The following TVP23C variants were observed in gnomAD, a reference collection of about 807,000 sequenced individuals.
TVP23C encodes trans-golgi network vesicle protein 23 homolog C.
In TVP23C, 19 loss-of-function variants were observed where a neutral mutation model predicts 28.7. The observed-to-expected ratio is 0.66, with a 90% CI of 0.46 to 0.97. The LOEUF (loss-of-function observed/expected upper bound fraction) is 0.97. Among genes scored for constraint, TVP23C ranks in the 50% least tolerant of loss-of-function variants. The pLI is 0.00. For missense variants in TVP23C, 186 were observed against 241.3 expected (o/e 0.77, Z 1.52); for synonymous variants, 68 against 81.7 (o/e 0.83, Z 0.90).
chr17:15,512,531 G>A (rs931409411), intron 5 of TVP23C, among the ~76,000 whole-genome samples: 1 of 152,156 alleles, frequency 6.6e-6, no homozygotes, highest in African/African-American at 2.4e-5. Context: ...TCATAAGAAA[G>A]GAGAGTCTGT....
intron 4 of TVP23C, 85 bp from the exon 5 acceptor site, chr17:15,546,001 A>G: frequency 6.5e-7 from 1 of 1,533,136 alleles, no homozygotes; most frequent in South Asian, 1.3e-5. Context: ...CATATTACCC[A>G]CAAGTTCAAA....
intron 5 of TVP23C, among the ~76,000 whole-genome samples, chr17:15,529,813 T>A (rs1218482488): frequency 6.6e-6 from 1 of 152,162 alleles, no homozygotes; most frequent in Non-Finnish European, 1.5e-5. Context: ...TTTTTTGGGT[T>A]TTTTTTGGAT....
intron 5 of TVP23C, among the ~76,000 whole-genome samples, chr17:15,509,625 G>A (rs1981917531): frequency 1.3e-5 from 2 of 152,182 alleles, no homozygotes; most frequent in South Asian, 4.1e-4. Flanking sequence ...AATTTGGGAG[G>A]CCAAGGTGAG....
intron 2 of TVP23C, among the ~76,000 whole-genome samples, chr17:15,554,722 C>T (rs1343702093): frequency 1.3e-5 from 2 of 152,164 alleles, no homozygotes; most frequent in East Asian, 1.9e-4. Context: ...TCCCCATTTA[C>T]CTTCAAACCC....
intron 1 of TVP23C, among the ~76,000 whole-genome samples, chr17:15,557,777 T>C (rs1314668095): frequency 2.1e-5 from 3 of 141,444 alleles, no homozygotes; most frequent in Non-Finnish European, 3.2e-5. Flanking sequence ...AAATCATTCC[T>C]ACTACAGGGC....
In TVP23C at chr17:15,538,173, A is replaced by G; in HGVS notation, c.*2239T>C. ...AGTGTTCCGCAAAAGACAAAAAAAGAACTCCTTAACATCAAAGTTATTTCA... is the reference window on the plus strand; with the variant it reads ...AGTGTTCCGCAAAAGACAAAAAAAGGACTCCTTAACATCAAAGTTATTTCA... On this transcript the variant is annotated 3_prime_UTR_variant, in exon 6 of 6. Coordinates refer to ENST00000518321, the MANE Select transcript of TVP23C (RefSeq NM_001135036.2). The G allele has an allele frequency of 6.2e-7, 1 of 1,610,242 alleles. No individual in the cohort carries two copies. Among genetic ancestry groups the G allele is most frequent in the Non-Finnish European group, 8.5e-7 (1 of 1,179,784 alleles).
intron 3 of TVP23C, among the ~76,000 whole-genome samples, chr17:15,548,766 C>A (rs1983758175): frequency 6.6e-6 from 1 of 152,154 alleles, no homozygotes; most frequent in Non-Finnish European, 1.5e-5. Flanking sequence ...CAGCAGATGC[C>A]TCAAATTGTG....
Position 15,539,624 on chromosome 17 carries a change from C to G in TVP23C, c.*788G>C. 1 of 979,096 alleles carries G rather than the reference C, an allele frequency of 1.0e-6. No individual in the cohort carries two copies. The highest frequency in any genetic ancestry group is 1.2e-4 in the East Asian group (1 of 8,664). 60.7% of individuals were successfully genotyped at this position (979,096 alleles called of 1,614,324 possible). ...TCTCAAGAAAAAAAAAAAAAAAGAC[C>G]TAGTCACTTTTCCCAAGAGATTTAA... On this transcript the variant is annotated 3_prime_UTR_variant, in exon 6 of 6. Coordinates refer to ENST00000518321, the MANE Select transcript of TVP23C (RefSeq NM_001135036.2).
downstream of TVP23C, chr17:15,536,848 T>C (rs1437734356): frequency 6.6e-6 from 1 of 151,576 alleles, no homozygotes; most frequent in Admixed American, 6.6e-5. Flanking sequence ...TAATATATCA[T>C]GTTTTATATC....
At chr17:15,532,044 CAT>C (rs569100029), downstream of TVP23C, among the ~76,000 whole-genome samples, 898 of 152,188 alleles carry the variant, frequency 5.9e-3, 3 homozygotes, top group Non-Finnish European at 9.7e-3. Flanking sequence ...TAGTCTTGAG[CAT>C]ATGATTAGAC....
intron 5 of TVP23C, chr17:15,531,166 G>C (rs958261007): frequency 2.6e-5 from 4 of 152,176 alleles, no homozygotes; most frequent in South Asian, 2.1e-4. Context: ...ATGAGTGGTA[G>C]GCATTTAATC....
chr17:15,556,837 A>G (rs1420250266), intron 1 of TVP23C, among the ~76,000 whole-genome samples: 2 of 151,908 alleles, frequency 1.3e-5, no homozygotes, highest in Non-Finnish European at 2.9e-5. Context: ...AAATCACACC[A>G]TGTCACTCTA....
chr17:15,517,386 G>A (rs1982274827), intron 5 of TVP23C, among the ~76,000 whole-genome samples: 3 of 152,152 alleles, frequency 2.0e-5, no homozygotes, highest in Admixed American at 2.0e-4. Context: ...ATCTCTAACA[G>A]GTGCACAGTA....
chr17:15,502,918 G>A, exon 6 of TVP23C: 1 of 1,612,144 alleles, frequency 6.2e-7, no homozygotes, highest in Non-Finnish European at 8.5e-7. Context: ...CAGTTCCTCT[G>A]CTATTGGGAC....
chr17:15,523,700 G>A (rs1175257292), intron 5 of TVP23C, among the ~76,000 whole-genome samples: 23 of 150,324 alleles, frequency 1.5e-4, no homozygotes, highest in African/African-American at 4.4e-4. Context: ...TGCCAGCTCC[G>A]CCTCCCAGGT....
chr17:15,509,942 T>C (rs1954315878), intron 5 of TVP23C, among the ~76,000 whole-genome samples: 2 of 152,226 alleles, frequency 1.3e-5, no homozygotes. Flanking sequence ...ATGCCATGGT[T>C]GTAAAATGAA....
At chr17:15,525,422 C>A (rs1045983071) in intron 5 of TVP23C, among the ~76,000 whole-genome samples, 4 of 152,338 alleles carry the variant, frequency 2.6e-5, no homozygotes, top group East Asian at 1.9e-4. Context: ...ATGTGGCTAA[C>A]ATCTACAATC....
intron 3 of TVP23C, among the ~76,000 whole-genome samples, chr17:15,552,833 C>T (rs932729964): frequency 6.6e-6 from 1 of 151,498 alleles, no homozygotes. Flanking sequence ...ACTATATTTT[C>T]GAACACACAC....
chr17:15,561,798 T>A (rs916890727), intron 1 of TVP23C, among the ~76,000 whole-genome samples: 2 of 152,198 alleles, frequency 1.3e-5, no homozygotes, highest in Admixed American at 6.5e-5. Context: ...TGAAACCTAC[T>A]GGGCTGCATT....
Sources: gnomAD v4.1 joint callset for allele counts (sites outside exome capture counted in the v4.1 genomes callset) on GRCh38, gnomAD v4.1.1 for gene constraint, MANE v1.5 for transcripts, NCBI Gene and HGNC (gene_info 2026-07-23, HGNC 2026-07-21) for gene names.